Variants in NUBPL observed in about 807,000 individuals in gnomAD.
NUBPL encodes the protein NUBP iron-sulfur cluster assembly factor, mitochondrial.
A neutral mutation model predicts 45.7 loss-of-function variants in NUBPL; 31 were observed. The observed-to-expected ratio is 0.68, with a 90% confidence interval of 0.51 to 0.92. The LOEUF (loss-of-function observed/expected upper bound fraction) is 0.92, where lower values mean the gene tolerates loss of function less well. Ranked by LOEUF, NUBPL falls within the 40% of genes least tolerant of loss-of-function variation. The pLI, the probability that NUBPL is intolerant of heterozygous loss-of-function variation, is 0.00. For missense variants in NUBPL, 401 were observed against 398.7 expected, an observed-to-expected ratio of 1.01 and a Z score of -0.05; for synonymous variants, 144 against 140.9, an observed-to-expected ratio of 1.02 and a Z score of -0.15.
chr14:31,824,180 A>G (rs2040061912), intron 7 of NUBPL, among the ~76,000 whole-genome samples: 1 of 152,118 alleles, frequency 6.6e-6, no homozygotes, highest in East Asian at 1.9e-4. Context: ...TAATTATTTT[A>G]ATCCTGTGAC....
intron 6 of NUBPL, among the ~76,000 whole-genome samples, chr14:31,773,428 G>A (rs1482214386): frequency 6.7e-6 from 1 of 150,190 alleles, no homozygotes; most frequent in Non-Finnish European, 1.5e-5. Context: ...GATCTGGAGG[G>A]AGAGTCCAGA....
chr14:31,732,148 C>T lies in NUBPL; in HGVS notation c.514-55632C>T, dbSNP rs551981664. Among the ~76,000 whole-genome samples, 567 of 137,488 alleles carry T rather than the reference C, an allele frequency of 4.1e-3. 1 individual carries two copies. Among genetic ancestry groups the T allele is most frequent in the Middle Eastern group, 8.7e-3 (2 of 230 alleles). The allele number at this position is 137,488 out of a possible 152,430, so 90.2% of individuals were successfully genotyped here. ...GGCAGAGCTTGCAGTGAGCCGAGAT[C>T]GCGCCACTGCACTCCAGCCTGGGTG... On this transcript the variant is annotated intron_variant, in intron 6 of 10. Transcript: ENST00000281081.
At chr14:31,809,031 G>A (rs1480834047) in intron 7 of NUBPL, among the ~76,000 whole-genome samples, 1 of 152,120 alleles carries the variant, frequency 6.6e-6, no homozygotes, top group Non-Finnish European at 1.5e-5. Flanking sequence ...GTATTTTATT[G>A]AGGATTTTTG....
At chr14:31,740,000 T>C (rs1010160924) in intron 6 of NUBPL, among the ~76,000 whole-genome samples, 2 of 152,234 alleles carry the variant, frequency 1.3e-5, no homozygotes, top group Non-Finnish European at 2.9e-5. Context: ...TTACTGCTTT[T>C]CAGTACTGAA....
At chr14:31,844,698 C>T (rs2040426663) in intron 8 of NUBPL, 1 of 152,104 alleles carries the variant, frequency 6.6e-6, no homozygotes, top group Non-Finnish European at 1.5e-5. Context: ...CAGTACTGTT[C>T]TTCATTTAAA....
At chr14:31,800,078 A>G (rs2039556458) in intron 7 of NUBPL, among the ~76,000 whole-genome samples, 1 of 151,926 alleles carries the variant, frequency 6.6e-6, no homozygotes, top group Non-Finnish European at 1.5e-5. Context: ...TTGCTAATTC[A>G]TAAGGAGCAA....
chr14:31,775,822 A>G (rs1443849932), intron 6 of NUBPL, among the ~76,000 whole-genome samples: 1 of 151,894 alleles, frequency 6.6e-6, no homozygotes, highest in Non-Finnish European at 1.5e-5. Flanking sequence ...AGAACTGAGA[A>G]ACTTTTACCA....
At chr14:31,613,561 A>G (rs2034818729) in intron 4 of NUBPL, among the ~76,000 whole-genome samples, 1 of 151,864 alleles carries the variant, frequency 6.6e-6, no homozygotes, top group African/African-American at 2.4e-5. Flanking sequence ...CCGTTCAAGC[A>G]ATTCTTCTGT....
chr14:31,808,149 G>A (rs113236363), intron 7 of NUBPL, among the ~76,000 whole-genome samples: 11,639 of 152,122 alleles, frequency 0.077, 498 homozygotes, highest in Non-Finnish European at 0.091. Flanking sequence ...GTTTTTTCCA[G>A]TTCTGTGAAG....
intron 4 of NUBPL, among the ~76,000 whole-genome samples, chr14:31,659,643 C>T (rs569002974): frequency 2.1e-4 from 32 of 152,110 alleles, no homozygotes; most frequent in Admixed American, 8.5e-4. Context: ...GTGAATTAGC[C>T]CCGGAGTAGA....
intron 10 of NUBPL, among the ~76,000 whole-genome samples, chr14:31,850,842 C>T (rs936140485): frequency 7.2e-5 from 11 of 151,820 alleles, no homozygotes; most frequent in Non-Finnish European, 1.2e-4. Flanking sequence ...AGGTTGGTCT[C>T]GAACTCCTGG....
chr14:31,840,936 A>G (rs1462801032), intron 8 of NUBPL, among the ~76,000 whole-genome samples: 2 of 152,364 alleles, frequency 1.3e-5, no homozygotes, highest in South Asian at 2.1e-4. Flanking sequence ...TTTTACAAAC[A>G]GAATAATATA....
intron 7 of NUBPL, among the ~76,000 whole-genome samples, chr14:31,801,627 G>C (rs929904690): frequency 6.6e-6 from 1 of 152,166 alleles, no homozygotes; most frequent in Non-Finnish European, 1.5e-5. Context: ...TTTGTGTAAT[G>C]GGGAGTAATA....
intron 4 of NUBPL, among the ~76,000 whole-genome samples, chr14:31,640,361 A>G (rs1247835276): frequency 6.6e-5 from 10 of 152,172 alleles, no homozygotes; most frequent in African/African-American, 4.8e-5. Context: ...GCACTTCGGG[A>G]GGCCAAGGTG....
Position 31,620,471 on chromosome 14 carries a change from T to G in NUBPL, c.382+21092T>G, listed in dbSNP as rs2139630575. ...CCTTTGCATGGGTTCTCTGAGTGGT[T>G]GTCCTTTTTGTTGATGTTGATACTA... On this transcript the variant is annotated intron_variant, in intron 4 of 10. Coordinates refer to ENST00000281081, the MANE Select transcript of NUBPL (RefSeq NM_025152.3). Among the ~76,000 whole-genome samples, 3 of 152,304 alleles carry G rather than the reference T, an allele frequency of 2.0e-5. No homozygotes were observed. In the South Asian group the frequency reaches 6.2e-4, roughly 32 times the overall value.
intron 10 of NUBPL, among the ~76,000 whole-genome samples, chr14:31,853,147 G>A (rs1255679684): frequency 1.3e-5 from 2 of 152,092 alleles, no homozygotes; most frequent in East Asian, 3.9e-4. Flanking sequence ...CTGTCACCCA[G>A]GTTGGAGTGC....
chr14:31,781,580 A>C (rs1036386250), intron 6 of NUBPL, among the ~76,000 whole-genome samples: 2 of 152,222 alleles, frequency 1.3e-5, no homozygotes, highest in Admixed American at 6.5e-5. Flanking sequence ...TAAAAATCAA[A>C]ACCTCTTGCA....
intron 10 of NUBPL, among the ~76,000 whole-genome samples, chr14:31,857,039 G>T (rs182530492): frequency 6.6e-6 from 1 of 152,212 alleles, no homozygotes; most frequent in African/African-American, 2.4e-5. Flanking sequence ...CCTAGCAGAG[G>T]TTCTTCGTAA....
Position 31,610,423 on chromosome 14 carries a change from A to G in NUBPL, c.382+11044A>G, listed in dbSNP as rs111270299. Among the ~76,000 whole-genome samples, 28 of 152,046 alleles carry G rather than the reference A, an allele frequency of 1.8e-4. 2 individuals are homozygous for G. The highest frequency in any genetic ancestry group is 6.0e-4 in the African/African-American group (25 of 41,526). ...CAAGTAACAAGATCAATGCTGTAAT[A>G]AAAAGTCTCCCAGTAAAGAAAAGTC... On this transcript the variant is annotated intron_variant, in intron 4 of 10. Coordinates refer to ENST00000281081, the MANE Select transcript of NUBPL (RefSeq NM_025152.3).
Sources: allele counts gnomAD v4.1 joint callset (sites outside exome capture counted in the v4.1 genomes callset), GRCh38; gene constraint gnomAD v4.1.1; transcripts MANE v1.5; gene names NCBI Gene and HGNC (gene_info 2026-07-23, HGNC 2026-07-21).